The following AOX1 variants were observed in gnomAD, a reference collection of about 807,000 sequenced individuals.
The protein encoded by AOX1 is aldehyde oxidase 1.
In AOX1, 153 loss-of-function variants were observed where a neutral mutation model predicts 169.5. The ratio of observed to expected loss-of-function variants is 0.90; its 90% CI spans 0.79 to 1.03. The LOEUF (loss-of-function observed/expected upper bound fraction) is 1.03. AOX1 is among the 50% of genes least tolerant of loss of function. AOX1 has a pLI of 0.00. For synonymous variants in AOX1, 562 were observed against 581.9 expected, an observed-to-expected ratio of 0.97 and a Z score of 0.49; for missense variants, 1,656 against 1,663.9, an observed-to-expected ratio of 1.00 and a Z score of 0.08.
At chr2:200,627,611 CTG>C (rs1189719895) in intron 20 of AOX1, among the ~76,000 whole-genome samples, 162 bp downstream of exon 20, 1 of 152,116 alleles carries the variant, frequency 6.6e-6, no homozygotes, top group African/African-American at 2.4e-5. Flanking sequence ...CCCTCCGTCT[CTG>C]GGGTAGGCCA....
At chr2:200,657,190 A>ATATATATATATATATTTTTTTTT in intron 27 of AOX1, among the ~76,000 whole-genome samples, 2 of 62,880 alleles carry the variant, frequency 3.2e-5, no homozygotes, top group African/African-American at 1.6e-4. Flanking sequence ...ATATATATAT[A>ATATATATATATATATTTTTTTTT]TTTTTTTTTT....
Position 200,662,933 on chromosome 2 carries a change from C to G in AOX1, c.3507C>G (p.Ser1169=). 2 of 1,614,014 alleles carry G rather than the reference C, an allele frequency of 1.2e-6. No individual in the cohort carries two copies. Among genetic ancestry groups the G allele is most frequent in the Non-Finnish European group, 1.7e-6 (2 of 1,179,932 alleles). ...FEYFVYGAAC[S]EVEIDCLTGD... ...ACTTTGTTTATGGAGCTGCCTGTTCCGAGGTTGAAATAGACTGCCTGACGG... is the reference window on the plus strand; with the variant it reads ...ACTTTGTTTATGGAGCTGCCTGTTCGGAGGTTGAAATAGACTGCCTGACGG... Residue 1169 remains serine, a synonymous_variant, in exon 31 of 35, where the codon TCC becomes TCG. Coordinates refer to ENST00000374700, the MANE Select transcript of AOX1 (RefSeq NM_001159.4).
At chr2:200,624,095 C>A in intron 19 of AOX1, 112 bp downstream of exon 19, 1 of 1,337,210 alleles carries the variant, frequency 7.5e-7, no homozygotes, top group Non-Finnish European at 1.1e-6. Context: ...CTCCAAAGCA[C>A]ACGGACTTTA....
chr2:200,613,027 T>TGTGTGAGA (rs112472592), intron 14 of AOX1, among the ~76,000 whole-genome samples: 129 of 146,198 alleles, frequency 8.8e-4, no homozygotes, highest in African/African-American at 3.0e-3. Context: ...TGTGTGTGTG[T>TGTGTGAGA]GAGAGAGAGA....
At chr2:200,629,896 C>G (rs188471763) in intron 20 of AOX1, among the ~76,000 whole-genome samples, 1 of 151,922 alleles carries the variant, frequency 6.6e-6, no homozygotes, top group African/African-American at 2.4e-5. Context: ...GCTGCATACC[C>G]CATTGATAAG....
intron 6 of AOX1, among the ~76,000 whole-genome samples, 173 bp downstream of exon 6, chr2:200,602,518 T>A (rs1574912366): frequency 6.6e-6 from 1 of 152,208 alleles, no homozygotes; most frequent in Non-Finnish European, 1.5e-5. Flanking sequence ...ACCTCATTCA[T>A]TGAGCTTGCC....
intron 10 of AOX1, among the ~76,000 whole-genome samples, chr2:200,607,018 G>C (rs1050067531): frequency 6.6e-6 from 1 of 152,114 alleles, no homozygotes; most frequent in Non-Finnish European, 1.5e-5. Context: ...CCAATACTAC[G>C]TTGAATAGTA....
chr2:200,642,839 A>G (rs201097918), intron 25 of AOX1, 38 bp downstream of exon 25: 8 of 1,590,948 alleles, frequency 5.0e-6, no homozygotes, highest in Admixed American at 1.7e-5. Flanking sequence ...AACATGTGGA[A>G]TGTCAGAGAC....
intron 13 of AOX1, 27 bp from the exon 14 acceptor site, chr2:200,612,582 C>A: frequency 6.2e-7 from 1 of 1,608,232 alleles, no homozygotes; most frequent in South Asian, 1.1e-5. Context: ...AGTGTTTCTA[C>A]ATGTGCCACT....
intron 6 of AOX1, 61 bp from the exon 7 acceptor site, chr2:200,603,206 T>C (rs2034450112): frequency 3.0e-6 from 4 of 1,354,894 alleles, no homozygotes; most frequent in Non-Finnish European, 4.2e-6. Flanking sequence ...ATTCACCTGC[T>C]TTATTTACTA....
chr2:200,654,480 G>A (rs1365422596), intron 26 of AOX1, among the ~76,000 whole-genome samples: 1 of 152,196 alleles, frequency 6.6e-6, no homozygotes, highest in African/African-American at 2.4e-5. Context: ...TATGCACTGG[G>A]AAACAACGAA....
chr2:200,643,652 T>C (rs2035399555), intron 25 of AOX1, among the ~76,000 whole-genome samples: 1 of 152,204 alleles, frequency 6.6e-6, no homozygotes, highest in African/African-American at 2.4e-5. Context: ...CCATAGTGGC[T>C]GTACTAGTTT....
At chr2:200,678,255 G>C (rs2036124988), downstream of AOX1, 1 of 152,214 alleles carries the variant, frequency 6.6e-6, no homozygotes, top group African/African-American at 2.4e-5. Context: ...AAAGAACAAA[G>C]AGTATGTTTT....
chr2:200,596,493 C>A (rs1025067804), intron 3 of AOX1, among the ~76,000 whole-genome samples: 3 of 152,148 alleles, frequency 2.0e-5, no homozygotes, highest in African/African-American at 7.2e-5. Flanking sequence ...TCCTTCCCTG[C>A]CTATTTTGGG....
intron 16 of AOX1, among the ~76,000 whole-genome samples, chr2:200,618,625 C>A (rs1258666136): frequency 6.6e-6 from 1 of 152,202 alleles, no homozygotes; most frequent in Non-Finnish European, 1.5e-5. Flanking sequence ...TGCCACCTGC[C>A]TGGAGAATCT....
intron 16 of AOX1, among the ~76,000 whole-genome samples, chr2:200,616,400 C>G (rs1253070712): frequency 6.6e-6 from 1 of 152,254 alleles, no homozygotes; most frequent in African/African-American, 2.4e-5. Context: ...TCCAATAAAG[C>G]CACGCTCTGC....
rs748446656 is a variant in AOX1, at chr2:200,586,102, C to T, written c.-7C>T. 1 of 1,556,912 alleles carries T rather than the reference C, an allele frequency of 6.4e-7. No homozygotes were observed. The highest frequency in any genetic ancestry group is 8.7e-7 in the Non-Finnish European group (1 of 1,151,390). ...CTCCGGGCCCTCGAACCAGCGCGGA[C>T]ACCACAATGGACCGGGCGTCCGAGC... On this transcript the variant is annotated 5_prime_UTR_variant, in exon 1 of 35. Coordinates refer to ENST00000374700, the MANE Select transcript of AOX1 (RefSeq NM_001159.4).
chr2:200,595,197 C>A, intron 2 of AOX1, 75 bp from the exon 3 acceptor site: 1 of 1,050,054 alleles, frequency 9.5e-7, no homozygotes, highest in Non-Finnish European at 1.4e-6. Context: ...TGTGATATTA[C>A]TGTCTCCTAG....
chr2:200,622,853 A>C (rs1054520006), intron 18 of AOX1, among the ~76,000 whole-genome samples: 3 of 152,146 alleles, frequency 2.0e-5, no homozygotes, highest in African/African-American at 7.2e-5. Context: ...TCATTGTAGA[A>C]ATTGTAAGCA....
Sources: allele counts gnomAD v4.1 joint callset (sites outside exome capture counted in the v4.1 genomes callset), GRCh38; gene constraint gnomAD v4.1.1; transcripts MANE v1.5; gene names NCBI Gene and HGNC (gene_info 2026-07-23, HGNC 2026-07-21).